The following SPSB1 variants were observed in gnomAD, a reference collection of about 807,000 sequenced individuals.
The protein encoded by SPSB1 is SPRY domain-containing SOCS box protein 1.
A neutral mutation model predicts 21.2 loss-of-function variants in SPSB1; 8 were observed. The observed-to-expected ratio is 0.38, with a 90% CI of 0.22 to 0.68. The LOEUF (loss-of-function observed/expected upper bound fraction) is 0.68, where lower values mean the gene tolerates loss of function less well. SPSB1 is among the 30% of genes least tolerant of loss of function. SPSB1 has a pLI of 0.53. For synonymous variants in SPSB1, 169 were observed against 161.7 expected, an observed-to-expected ratio of 1.05 and a Z score of -0.34; for missense variants, 242 against 377.8, an observed-to-expected ratio of 0.64 and a Z score of 2.98.
At chr1:9,342,682 C>G (rs1640109088) in intron 1 of SPSB1, among the ~76,000 whole-genome samples, 1 of 152,202 alleles carries the variant, frequency 6.6e-6, no homozygotes, top group Non-Finnish European at 1.5e-5. Context: ...CAGTTTGGGC[C>G]CAGGGGTCTG....
At chr1:9,364,785 TTTTG>T (rs1316301994) in intron 2 of SPSB1, among the ~76,000 whole-genome samples, 1 of 152,224 alleles carries the variant, frequency 6.6e-6, no homozygotes, top group Non-Finnish European at 1.5e-5. Context: ...GTCCCTCTTC[TTTTG>T]TTTATTTATT....
chr1:9,336,792 T>A (rs553047932), intron 1 of SPSB1, among the ~76,000 whole-genome samples: 1 of 152,366 alleles, frequency 6.6e-6, no homozygotes, highest in East Asian at 1.9e-4. Context: ...GTGATGAAAC[T>A]GCACTGCTCC....
At position 9,367,946 on chromosome 1, in the gene SPSB1, G is replaced by C. The variant is rs1053680546; in HGVS notation, c.*371G>C. The C allele has an allele frequency of 9.7e-6, 2 of 207,248 alleles. No individual in the cohort carries two copies. Among genetic ancestry groups the C allele is most frequent in the African/African-American group, 4.7e-5 (2 of 42,948 alleles). The allele number at this position is 207,248 out of a possible 1,614,324, so 12.8% of individuals were successfully genotyped here. ...AGGCTGCAGCCACCTGGGGGTCCCA[G>C]GGTGGTGGGGGTGGCAGGTGGTACC... On this transcript the variant is annotated 3_prime_UTR_variant, in exon 3 of 3. Transcript: ENST00000328089. This position sits in a 1 kb window ranked among gnomAD's most constrained non-coding sequence, Gnocchi z 5.9.
At chr1:9,330,341 G>A (rs1188820895) in intron 1 of SPSB1, among the ~76,000 whole-genome samples, 1 of 152,128 alleles carries the variant, frequency 6.6e-6, no homozygotes, top group Non-Finnish European at 1.5e-5. Context: ...GGGCGTGGTG[G>A]TGCATCTCTA....
intron 2 of SPSB1, among the ~76,000 whole-genome samples, chr1:9,364,077 C>T (rs1320458507): frequency 6.6e-6 from 1 of 152,268 alleles, no homozygotes; most frequent in Non-Finnish European, 1.5e-5. Context: ...TCAGCCCTCA[C>T]TGCTGCAGCC....
intron 2 of SPSB1, among the ~76,000 whole-genome samples, chr1:9,357,133 G>GTGAA (rs143259262): frequency 1.7e-5 from 1 of 59,658 alleles, no homozygotes; most frequent in Non-Finnish European, 3.8e-5. Context: ...GGATGGATGA[G>GTGAA]TGGATGGATG....
intron 1 of SPSB1, among the ~76,000 whole-genome samples, chr1:9,332,734 T>C (rs761520068): frequency 1.3e-5 from 2 of 152,140 alleles, no homozygotes; most frequent in Non-Finnish European, 2.9e-5. Flanking sequence ...GTCAAGGGCA[T>C]GGTGGTATTT....
At chr1:9,358,445 G>A (rs1557466180) in intron 2 of SPSB1, among the ~76,000 whole-genome samples, 1 of 152,206 alleles carries the variant, frequency 6.6e-6, no homozygotes, top group Admixed American at 6.5e-5. Flanking sequence ...GGAACCAGCA[G>A]AGTGAGTTCT....
At chr1:9,350,520 T>C (rs1436206241) in intron 1 of SPSB1, among the ~76,000 whole-genome samples, 1 of 152,236 alleles carries the variant, frequency 6.6e-6, no homozygotes, top group Admixed American at 6.5e-5. Context: ...TCTGTCCTGC[T>C]TGTTAGTCTC....
At chr1:9,307,154 C>G (rs1331531681) in intron 1 of SPSB1, among the ~76,000 whole-genome samples, 3 of 152,124 alleles carry the variant, frequency 2.0e-5, no homozygotes, top group Non-Finnish European at 4.4e-5. Flanking sequence ...TCTCGAACTC[C>G]TGACCTCAGG....
intron 1 of SPSB1, among the ~76,000 whole-genome samples, chr1:9,316,750 G>A (rs1248637504): frequency 2.6e-5 from 4 of 152,216 alleles, no homozygotes; most frequent in Admixed American, 6.5e-5. Flanking sequence ...AGACCGCCCC[G>A]GAAGCGGCAT....
chr1:9,315,696 A>G (rs949676545), intron 1 of SPSB1, among the ~76,000 whole-genome samples: 4 of 152,350 alleles, frequency 2.6e-5, no homozygotes, highest in African/African-American at 7.2e-5. Flanking sequence ...CACGTGCAGC[A>G]AAGAACACTG....
Position 9,346,644 on chromosome 1 carries a change from G to A in SPSB1, c.-149-9099G>A, listed in dbSNP as rs1183601016. On this transcript the variant is annotated intron_variant, in intron 1 of 2. Transcript: ENST00000328089. The surrounding 1 kb of genome is among the most constrained non-coding windows in gnomAD (Gnocchi z 4.4). Reference sequence around the variant, plus strand: ...TCGGGGGGTTGCCGGCAGGTGCTGTGCAGTCTGGCCTGTCTCAGCCTCCCC... The same window carrying A: ...TCGGGGGGTTGCCGGCAGGTGCTGTACAGTCTGGCCTGTCTCAGCCTCCCC... Among the ~76,000 whole-genome samples, 1 of 152,214 alleles carries A rather than the reference G, an allele frequency of 6.6e-6. No homozygotes were observed. The highest frequency in any genetic ancestry group is 1.5e-5 in the Non-Finnish European group (1 of 68,038).
intron 1 of SPSB1, among the ~76,000 whole-genome samples, chr1:9,354,433 C>T (rs1294024): frequency 0.31 from 46,349 of 151,896 alleles, 7,559 homozygotes; most frequent in African/African-American, 0.4. Flanking sequence ...ACCAGGCTGC[C>T]CTCCTTGGCC....
At chr1:9,322,900 C>A (rs1203248294) in intron 1 of SPSB1, among the ~76,000 whole-genome samples, 1 of 152,022 alleles carries the variant, frequency 6.6e-6, no homozygotes, top group African/African-American at 2.4e-5. Flanking sequence ...TTCTCAGCCC[C>A]TTTTTTTGTT....
Position 9,345,182 on chromosome 1 carries a change from C to T in SPSB1, c.-149-10561C>T, listed in dbSNP as rs1180497175. Among the ~76,000 whole-genome samples the T allele has an allele frequency of 2.0e-5, 3 of 152,174 alleles. No individual in the cohort carries two copies. Among genetic ancestry groups the T allele is most frequent in the Admixed American group, 6.5e-5 (1 of 15,284 alleles). ...TCCTCCTGGGAGTCACTGGGCCCAC[C>T]TGATCCACCCTGCCTCAAGCCCCCG... On this transcript the variant is annotated intron_variant, in intron 1 of 2. Coordinates refer to ENST00000328089, the MANE Select transcript of SPSB1 (RefSeq NM_025106.4). The surrounding 1 kb of genome is among the most constrained non-coding windows in gnomAD (Gnocchi z 4.8).
At chr1:9,301,562 G>A (rs1285481627) in intron 1 of SPSB1, among the ~76,000 whole-genome samples, 2 of 151,218 alleles carry the variant, frequency 1.3e-5, no homozygotes, top group Admixed American at 6.6e-5. Flanking sequence ...CACAGGACAC[G>A]GATAGACCTC....
Position 9,305,492 on chromosome 1 carries a change from C to A in SPSB1, c.-150+12421C>A, listed in dbSNP as rs966005203. On this transcript the variant is annotated intron_variant, in intron 1 of 2. Transcript: ENST00000328089. This position sits in a 1 kb window ranked among gnomAD's most constrained non-coding sequence, Gnocchi z 4.8. Reference sequence around the variant, plus strand: ...CCAGTAGTTAGGTCCACAGTAGGTTCTTGGACACCTGTCGGATGAAGGAGT... The same window carrying A: ...CCAGTAGTTAGGTCCACAGTAGGTTATTGGACACCTGTCGGATGAAGGAGT... 6.6e-6 allele frequency among the ~76,000 whole-genome samples: 1 copy of A among 152,090 alleles called. No individual in the cohort carries two copies. Among genetic ancestry groups the A allele is most frequent in the African/African-American group, 2.4e-5 (1 of 41,378 alleles).
chr1:9,307,702 G>C (rs565616195), intron 1 of SPSB1, among the ~76,000 whole-genome samples: 2 of 152,272 alleles, frequency 1.3e-5, no homozygotes, highest in South Asian at 4.1e-4. Flanking sequence ...CATCACCAGA[G>C]ACTCAGCCAC....
Sources: gnomAD v4.1 joint callset for allele counts (sites outside exome capture counted in the v4.1 genomes callset) on GRCh38, gnomAD v4.1.1 for gene constraint, Gnocchi (gnomAD v3.1) non-coding constraint, MANE v1.5 for transcripts, NCBI Gene and HGNC (gene_info 2026-07-23, HGNC 2026-07-21) for gene names.